ZNF804A: variants seen among roughly 807,000 people sequenced by gnomAD.
ZNF804A encodes zinc finger protein 804A.
In ZNF804A, 2 loss-of-function variants were observed where a neutral mutation model predicts 16.5. That is an observed-to-expected ratio of 0.12 (90% CI 0.05 to 0.38). The LOEUF (loss-of-function observed/expected upper bound fraction) is 0.38, where lower values mean the gene tolerates loss of function less well. ZNF804A is among the 10% of genes least tolerant of loss of function. ZNF804A has a pLI of 0.99. For synonymous variants in ZNF804A, 534 were observed against 489.6 expected (o/e 1.09, Z -1.20); for missense variants, 1,473 against 1,390.7 (o/e 1.06, Z -0.94).
chr2:184,713,351 T>G (rs1693160031), intron 1 of ZNF804A, among the ~76,000 whole-genome samples: 1 of 151,958 alleles, frequency 6.6e-6, no homozygotes, highest in South Asian at 2.1e-4. Context: ...TATGTTATAT[T>G]TGCCTAATAT....
chr2:184,727,677 A>G (rs1265867697), intron 1 of ZNF804A, among the ~76,000 whole-genome samples: 1 of 151,746 alleles, frequency 6.6e-6, no homozygotes, highest in Non-Finnish European at 1.5e-5. Context: ...CAGGAAGTTA[A>G]TAATTTTCAC....
chr2:184,719,228 G>A (rs145559306), intron 1 of ZNF804A, among the ~76,000 whole-genome samples: 1 of 152,168 alleles, frequency 6.6e-6, no homozygotes, highest in African/African-American at 2.4e-5. Context: ...GGGATGCAGG[G>A]CACCACATCT....
chr2:184,801,931 T>C (rs569088592), intron 1 of ZNF804A, among the ~76,000 whole-genome samples: 1 of 152,276 alleles, frequency 6.6e-6, no homozygotes, highest in South Asian at 2.1e-4. Context: ...TTTATGTTAA[T>C]CTTGCTAGGA....
chr2:184,829,936 A>C (rs1171543359), intron 1 of ZNF804A, among the ~76,000 whole-genome samples: 56 of 139,490 alleles, frequency 4.0e-4, no homozygotes, highest in East Asian at 2.7e-3. Flanking sequence ...AAACAAAAAA[A>C]AAAAAACCAC....
At chr2:184,755,953 T>C (rs1693952679) in intron 1 of ZNF804A, among the ~76,000 whole-genome samples, 1 of 152,026 alleles carries the variant, frequency 6.6e-6, no homozygotes, top group South Asian at 2.1e-4. Flanking sequence ...AAAATACATA[T>C]TTTCTTCATA....
chr2:184,604,105 CTTCTGCACCAATAGT>C (rs1691094627), intron 1 of ZNF804A, among the ~76,000 whole-genome samples: 2 of 137,404 alleles, frequency 1.5e-5, no homozygotes, highest in East Asian at 4.4e-4. Flanking sequence ...TGACTTCTCA[CTTCTGCACCAATAGT>C]TTCAGGTTAT....
intron 1 of ZNF804A, among the ~76,000 whole-genome samples, chr2:184,720,360 T>C (rs1693290743): frequency 6.6e-6 from 1 of 152,180 alleles, no homozygotes; most frequent in Non-Finnish European, 1.5e-5. Context: ...TAGAAATACC[T>C]AAAGACTTCA....
At chr2:184,762,211 C>CTTTTTTTTT (rs35871982) in intron 1 of ZNF804A, among the ~76,000 whole-genome samples, 1 of 137,940 alleles carries the variant, frequency 7.2e-6, no homozygotes, top group Non-Finnish European at 1.6e-5. Context: ...CTTTTCTTTT[C>CTTTTTTTTT]TTTTTTTTTT....
intron 1 of ZNF804A, among the ~76,000 whole-genome samples, chr2:184,611,216 A>C (rs1691232399): frequency 6.6e-6 from 1 of 152,106 alleles, no homozygotes; most frequent in South Asian, 2.1e-4. Flanking sequence ...TGACCTAATT[A>C]CCTTCCAAAG....
intron 1 of ZNF804A, among the ~76,000 whole-genome samples, chr2:184,758,010 G>A (rs997638732): frequency 2.0e-5 from 3 of 151,962 alleles, no homozygotes; most frequent in Non-Finnish European, 4.4e-5. Context: ...TCTGTTTCAA[G>A]AATTGCAAAG....
intron 1 of ZNF804A, among the ~76,000 whole-genome samples, chr2:184,792,901 T>G (rs776453714): frequency 6.6e-6 from 1 of 152,020 alleles, no homozygotes; most frequent in African/African-American, 2.4e-5. Context: ...ACCCAATAGG[T>G]AGTTTTTAAC....
chr2:184,862,517 A>G (rs1695815909), intron 1 of ZNF804A, among the ~76,000 whole-genome samples: 2 of 152,182 alleles, frequency 1.3e-5, no homozygotes, highest in Non-Finnish European at 2.9e-5. Flanking sequence ...CAGCCATGCT[A>G]TGTTTCCTTT....
At chr2:184,740,395 CATA>C (rs1176643006) in intron 1 of ZNF804A, among the ~76,000 whole-genome samples, 1 of 152,178 alleles carries the variant, frequency 6.6e-6, no homozygotes, top group African/African-American at 2.4e-5. Context: ...ACGGTGCTTA[CATA>C]ATATGCTTAG....
intron 1 of ZNF804A, among the ~76,000 whole-genome samples, chr2:184,624,445 G>C (rs1049335223): frequency 6.6e-6 from 1 of 152,138 alleles, no homozygotes; most frequent in Admixed American, 6.6e-5. Context: ...GCACATGCAT[G>C]TCTGCATGTG....
intron 1 of ZNF804A, among the ~76,000 whole-genome samples, chr2:184,779,768 C>T (rs1379171248): frequency 6.6e-6 from 1 of 151,720 alleles, no homozygotes; most frequent in African/African-American, 2.4e-5. Flanking sequence ...GAATGGAACG[C>T]AACTCCGCAG....
At chr2:184,689,410 G>A (rs1169817424) in intron 1 of ZNF804A, among the ~76,000 whole-genome samples, 2 of 151,880 alleles carry the variant, frequency 1.3e-5, no homozygotes, top group African/African-American at 4.8e-5. Flanking sequence ...TGTAACCATT[G>A]GAAAAGCATT....
chr2:184,848,587 T>C (rs1695557163), intron 1 of ZNF804A, among the ~76,000 whole-genome samples: 1 of 151,998 alleles, frequency 6.6e-6, no homozygotes, highest in Non-Finnish European at 1.5e-5. Flanking sequence ...CAAACATCTG[T>C]TATAAGAACA....
intron 1 of ZNF804A, among the ~76,000 whole-genome samples, chr2:184,753,069 G>A (rs978819250): frequency 6.6e-6 from 1 of 151,608 alleles, no homozygotes; most frequent in African/African-American, 2.4e-5. Context: ...TTTACATTAT[G>A]TTAATTTGGT....
At chr2:184,666,883 A>G (rs1028680213) in intron 1 of ZNF804A, among the ~76,000 whole-genome samples, 5 of 152,052 alleles carry the variant, frequency 3.3e-5, no homozygotes, top group Admixed American at 3.3e-4. Flanking sequence ...GAAAAATTGA[A>G]TTGCAGAAAA....
Sources: gnomAD v4.1 joint callset for allele counts (sites outside exome capture counted in the v4.1 genomes callset) on GRCh38, gnomAD v4.1.1 for gene constraint, MANE v1.5 for transcripts, NCBI Gene and HGNC (gene_info 2026-07-23, HGNC 2026-07-21) for gene names.